The following CSRNP2 variants were observed in gnomAD, a reference collection of about 807,000 sequenced individuals.
CSRNP2 encodes cysteine/serine-rich nuclear protein 2.
Under a neutral mutation model 36.6 loss-of-function variants are expected in CSRNP2, and 11 were observed. That is an observed-to-expected ratio of 0.30 (90% confidence interval 0.19 to 0.50). The LOEUF is 0.50. Ranked by LOEUF, CSRNP2 falls within the 20% of genes least tolerant of loss-of-function variation. The probability of loss-of-function intolerance (pLI) is 0.98; values close to 1 mark genes in which losing one functional copy is unlikely to be tolerated. For missense variants in CSRNP2, 483 were observed against 691.4 expected, an observed-to-expected ratio of 0.70 and a Z score of 3.38; for synonymous variants, 248 against 275.3, an observed-to-expected ratio of 0.90 and a Z score of 0.98.
intron 1 of CSRNP2, chr12:51,081,517 C>T (rs973581127): frequency 6.6e-6 from 1 of 152,122 alleles, no homozygotes; most frequent in Non-Finnish European, 1.5e-5. Context: ...AGGTAAAAAC[C>T]GACAGTTAAC....
intron 1 of CSRNP2, among the ~76,000 whole-genome samples, chr12:51,080,000 G>A (rs557620005): frequency 3.3e-5 from 5 of 149,262 alleles, no homozygotes; most frequent in African/African-American, 9.9e-5. Flanking sequence ...TTGAACCCAG[G>A]AGGCGGAAGT....
intron 3 of CSRNP2, among the ~76,000 whole-genome samples, chr12:51,070,733 G>A (rs1024040041): frequency 1.3e-5 from 2 of 152,030 alleles, no homozygotes; most frequent in Non-Finnish European, 2.9e-5. Flanking sequence ...CTAAAGTTGC[G>A]GAACACCAAG....
chr12:51,078,562 G>A (rs2061003026), intron 1 of CSRNP2, among the ~76,000 whole-genome samples: 1 of 152,160 alleles, frequency 6.6e-6, no homozygotes, highest in South Asian at 2.1e-4. Flanking sequence ...GATTTTAGCT[G>A]GGTTTAAAGA....
rs868400777 is a variant in CSRNP2 at position 51,067,700 on chromosome 12, G to C, written c.681C>G (p.Ala227=). The change falls in exon 4 of 5, where the codon GCC becomes GCG. Residue 227 remains alanine (A), a synonymous_variant. Coordinates refer to ENST00000228515, the MANE Select transcript of CSRNP2 (RefSeq NM_030809.3). This position sits in a 1 kb window ranked among gnomAD's most constrained non-coding sequence, Gnocchi z 4.1. ...CRLYCDPEAC[A]CSQAGIKCQV... is the part of the protein sequence containing the mutation. Reference sequence around the variant, plus strand: ...GGCATTTAATCCCAGCCTGGCTGCAGGCACACGCTTCTGGGTCACAATACA... The same window carrying C: ...GGCATTTAATCCCAGCCTGGCTGCACGCACACGCTTCTGGGTCACAATACA... 2 of 1,613,986 alleles carry C rather than the reference G, an allele frequency of 1.2e-6. No homozygotes were observed. Among genetic ancestry groups the C allele is most frequent in the African/African-American group, 2.7e-5 (2 of 75,014 alleles).
intron 2 of CSRNP2, among the ~76,000 whole-genome samples, chr12:51,075,013 C>T (rs1182355611): frequency 7.2e-5 from 11 of 152,128 alleles, no homozygotes; most frequent in African/African-American, 2.7e-4. Context: ...TGCAGTGAGC[C>T]GAGATTGTGC....
At position 51,064,024 on chromosome 12, in the gene CSRNP2, A is replaced by C; in HGVS notation, c.1354T>G (p.Phe452Val). 1.2e-6 allele frequency: 2 copies of C among 1,614,206 alleles called. No homozygotes were observed. Among genetic ancestry groups the C allele is most frequent in the Non-Finnish European group, 1.7e-6 (2 of 1,180,036 alleles). ...SFPKEKDLNV[F>V]SLPVTSLVAC... is the part of the protein sequence containing the mutation. ...ACGAGTGAGGTAACAGGGAGAGAGA[A>C]GACATTCAGATCCTTCTCCTTTGGG... Residue 452 changes from phenylalanine to valine, a missense_variant, in exon 5 of 5, where the codon TTC becomes GTC. This residue lies in a region of CSRNP2 where 277 missense variants were observed against 323.6 expected (regional missense o/e 0.86). Transcript: ENST00000228515.
chr12:51,061,429 A>C lies in CSRNP2; in HGVS notation c.*2317T>G, dbSNP rs1240568850. The C allele has an allele frequency of 6.6e-6, 1 of 152,640 alleles. No individual in the cohort carries two copies. The highest frequency in any genetic ancestry group is 2.4e-5 in the African/African-American group (1 of 41,444). 9.5% of individuals were successfully genotyped at this position (152,640 alleles called of 1,614,324 possible). On this transcript the variant is annotated 3_prime_UTR_variant, in exon 5 of 5. Transcript: ENST00000228515. Reference sequence around the variant, plus strand: ...TTATCTAGGCCTAGACTGGGACTGAAGCTATCTGCTTCTATGATCAGAGGC... The same window carrying C: ...TTATCTAGGCCTAGACTGGGACTGACGCTATCTGCTTCTATGATCAGAGGC...
chr12:51,066,729 G>T (rs897757692), intron 4 of CSRNP2, among the ~76,000 whole-genome samples: 4 of 151,944 alleles, frequency 2.6e-5, no homozygotes, highest in Non-Finnish European at 2.9e-5. Context: ...GTCTGATCCT[G>T]AATTATAAAG....
rs1184942506 is a variant in CSRNP2, at chr12:51,063,151, C to T, written c.*595G>A. The T allele has an allele frequency of 6.6e-6, 1 of 152,052 alleles. No homozygotes were observed. Among genetic ancestry groups the T allele is most frequent in the East Asian group, 1.9e-4 (1 of 5,182 alleles). 9.4% of individuals were successfully genotyped at this position (152,052 alleles called of 1,614,324 possible). ...AGTGTGGGGAACAGGTCAGAGAACA[C>T]CAAACATGTCAAATATTAACTTATT... On this transcript the variant is annotated 3_prime_UTR_variant, in exon 5 of 5. Transcript: ENST00000228515.
chr12:51,066,777 G>C (rs117171010), intron 4 of CSRNP2, among the ~76,000 whole-genome samples: 4 of 152,200 alleles, frequency 2.6e-5, no homozygotes, highest in Non-Finnish European at 5.9e-5. Flanking sequence ...AATTGGAGTA[G>C]AGGTACTGAA....
rs779718346 is a variant in CSRNP2, at chr12:51,064,288, G to A, written c.1090C>T (p.Pro364Ser). The change falls in exon 5 of 5, where the codon CCT (proline) becomes TCT (serine). Residue 364 changes from proline (P) to serine (S), a missense_variant. Around this residue, in one of 2 missense-constraint regions of CSRNP2, gnomAD observed 277 missense variants for 323.6 expected, o/e 0.86. Coordinates refer to ENST00000228515, the MANE Select transcript of CSRNP2 (RefSeq NM_030809.3). ...ESLGVCILEEPLAVPEELCPG... is the reference protein window; with the variant it reads ...ESLGVCILEESLAVPEELCPG... The stretch of plus-strand genomic sequence containing the variant: ...CACAGCTCTTCGGGGACAGCCAGAG[G>A]CTCCTCTAGGATGCACACACCCAGG... 1 of 1,613,048 alleles carries A rather than the reference G, an allele frequency of 6.2e-7. No homozygotes were observed. The highest frequency in any genetic ancestry group is 8.5e-7 in the Non-Finnish European group (1 of 1,179,584).
rs1379918240 is a variant in CSRNP2 at position 51,062,460 on chromosome 12, C to A, written c.*1286G>T. ...TCTTAGAACACAGGATGAACAGGAA[C>A]TGTATTCCTCCTGACAGAGGTAAGA... On this transcript the variant is annotated 3_prime_UTR_variant, in exon 5 of 5. Transcript: ENST00000228515. The A allele has an allele frequency of 1.3e-5, 2 of 152,232 alleles. No homozygotes were observed. Among genetic ancestry groups the A allele is most frequent in the African/African-American group, 4.8e-5 (2 of 41,460 alleles). The allele number at this position is 152,232 out of a possible 1,614,324, so 9.4% of individuals were successfully genotyped here. A position where few individuals can be genotyped will look rare whatever the true frequency, so the allele number is the denominator to read the frequency against.
At position 51,063,854 on chromosome 12, in the gene CSRNP2, G is replaced by A. The variant is rs1407768475; in HGVS notation, c.1524C>T (p.Leu508=). 3.1e-6 allele frequency: 5 copies of A among 1,614,108 alleles called. No individual in the cohort carries two copies. Among genetic ancestry groups the A allele is most frequent in the East Asian group, 4.5e-5 (2 of 44,870 alleles). The change falls in exon 5 of 5, where the codon CTC becomes CTT. Residue 508 remains leucine (L), a synonymous_variant. Transcript: ENST00000228515. ...CCTCTTCATTGTCCGTGCGGAAGGG[G>A]AGGCTTGAGGGGGACCAGGAAGGGT... ...DFHPSWSPSS[L]PFRTDNEEGC... is the part of the protein sequence containing the mutation.
chr12:51,068,022 C>A, intron 3 of CSRNP2, 53 bp from the exon 4 acceptor site: 1 of 1,534,958 alleles, frequency 6.5e-7, no homozygotes. Context: ...CATGCACCTC[C>A]TCAGTGACCA....
chr12:51,068,783 G>GA (rs1325872321), intron 3 of CSRNP2, among the ~76,000 whole-genome samples: 20 of 149,470 alleles, frequency 1.3e-4, no homozygotes, highest in Non-Finnish European at 1.6e-4. Flanking sequence ...CTACCTTCTT[G>GA]AAAAAAAAAG....
intron 1 of CSRNP2, among the ~76,000 whole-genome samples, chr12:51,080,803 C>T (rs1290643758): frequency 1.3e-5 from 2 of 152,168 alleles, no homozygotes; most frequent in African/African-American, 4.8e-5. Flanking sequence ...AACCCAGCTC[C>T]CCTTGTCCAA....
At chr12:51,069,836 G>T (rs1938909872) in intron 3 of CSRNP2, among the ~76,000 whole-genome samples, 1 of 151,886 alleles carries the variant, frequency 6.6e-6, no homozygotes, top group Non-Finnish European at 1.5e-5. Flanking sequence ...GGGACTACAG[G>T]CGCCTGCCAC....
chr12:51,081,483 G>GT (rs952899796), intron 1 of CSRNP2: 130 of 152,258 alleles, frequency 8.5e-4, no homozygotes, highest in African/African-American at 3.1e-3. Context: ...AGATACACTT[G>GT]TAAGTTTTAG....
At chr12:51,081,694 T>C (rs1030162649) in intron 1 of CSRNP2, among the ~76,000 whole-genome samples, 6 of 152,196 alleles carry the variant, frequency 3.9e-5, no homozygotes, top group Non-Finnish European at 8.8e-5. Context: ...TTATATGAAA[T>C]AGTTAAGATC....
Sources: allele counts gnomAD v4.1 joint callset (sites outside exome capture counted in the v4.1 genomes callset), GRCh38; gene constraint gnomAD v4.1.1; regional missense constraint gnomAD v4.1.1; non-coding constraint Gnocchi (gnomAD v3.1); transcripts MANE v1.5; gene names NCBI Gene and HGNC (gene_info 2026-07-23, HGNC 2026-07-21).